CCDC38: variants seen among roughly 807,000 people sequenced by gnomAD.
The protein encoded by CCDC38 is coiled-coil domain-containing protein 38.
In CCDC38, 69 loss-of-function variants were observed where a neutral mutation model predicts 72.8. That is an observed-to-expected ratio of 0.95 (90% CI 0.78 to 1.16). The LOEUF is 1.16. CCDC38 is among the 50% of genes most tolerant of loss of function. CCDC38 has a pLI of 0.00. For synonymous variants in CCDC38, 201 were observed against 213.2 expected, an observed-to-expected ratio of 0.94 and a Z score of 0.50; for missense variants, 626 against 638.9, an observed-to-expected ratio of 0.98 and a Z score of 0.22.
At chr12:95,904,079 T>C (rs1385989250) in intron 5 of CCDC38, among the ~76,000 whole-genome samples, 1 of 152,160 alleles carries the variant, frequency 6.6e-6, no homozygotes, top group African/African-American at 2.4e-5. Context: ...TACCATTTAT[T>C]TCTTTCTTCT....
chr12:95,871,806 G>T (rs2079583714), intron 14 of CCDC38, among the ~76,000 whole-genome samples: 1 of 152,138 alleles, frequency 6.6e-6, no homozygotes. Context: ...CAGGTAGATT[G>T]AGTCTGCTTG....
At chr12:95,895,376 A>G (rs1330499200) in intron 7 of CCDC38, among the ~76,000 whole-genome samples, 1 of 151,210 alleles carries the variant, frequency 6.6e-6, no homozygotes, top group Non-Finnish European at 1.5e-5. Context: ...CACACATAGA[A>G]TAGACATGAT....
chr12:95,909,221 A>G (rs2080064180), intron 4 of CCDC38, among the ~76,000 whole-genome samples: 3 of 152,238 alleles, frequency 2.0e-5, no homozygotes, highest in African/African-American at 4.8e-5. Flanking sequence ...AGGTAACATT[A>G]TAGCCAATCC....
At position 95,879,839 on chromosome 12, in the gene CCDC38, C is replaced by G. The variant is rs1304888055; in HGVS notation, c.991-44G>C. 2 of 1,451,894 alleles carry G rather than the reference C, an allele frequency of 1.4e-6. No homozygotes were observed. The highest frequency in any genetic ancestry group is 2.5e-5 in the South Asian group (2 of 78,704). The allele number at this position is 1,451,894 out of a possible 1,614,324, so 89.9% of individuals were successfully genotyped here. A position where few individuals can be genotyped will look rare whatever the true frequency, so the allele number is the denominator to read the frequency against. The stretch of plus-strand genomic sequence containing the variant: ...AGAATATAATTTACTTAAAAATATG[C>G]TACCTATGCACATGTGACTTATCTA... On this transcript the variant is annotated intron_variant, in intron 11 of 15. Coordinates refer to ENST00000344280, the MANE Select transcript of CCDC38 (RefSeq NM_182496.3). This position sits in a 1 kb window ranked among gnomAD's most constrained non-coding sequence, Gnocchi z 5.5.
At chr12:95,886,355 A>G (rs2079759033) in intron 10 of CCDC38, among the ~76,000 whole-genome samples, 1 of 152,222 alleles carries the variant, frequency 6.6e-6, no homozygotes. Flanking sequence ...ATGTAAAACT[A>G]TAAAACACCT....
intron 14 of CCDC38, among the ~76,000 whole-genome samples, chr12:95,871,038 G>T (rs1201151610): frequency 6.6e-6 from 1 of 152,170 alleles, no homozygotes; most frequent in African/African-American, 2.4e-5. Flanking sequence ...CACTCAGCAT[G>T]GTCTAATCCC....
In CCDC38 at chr12:95,906,434, T is replaced by C; in HGVS notation, c.322A>G (p.Thr108Ala). The C allele has an allele frequency of 6.2e-7, 1 of 1,613,106 alleles. No homozygotes were observed. The highest frequency in any genetic ancestry group is 1.1e-5 in the South Asian group (1 of 90,922). The change falls in exon 5 of 16, where the codon ACT (threonine) becomes GCT (alanine). Residue 108 changes from threonine (T) to alanine (A), a missense_variant. Transcript: ENST00000344280. Reference sequence around the variant, plus strand: ...TGGTCATTAATAAATTCATGGACAGTCCTTTTTGTGTCGGAACCTGTGAAG... The same window carrying C: ...TGGTCATTAATAAATTCATGGACAGCCCTTTTTGTGTCGGAACCTGTGAAG... ...RLIEGSDTKR[T>A]VHEFINDQRD...
intron 10 of CCDC38, among the ~76,000 whole-genome samples, chr12:95,886,512 AG>A (rs1218425284): frequency 7.2e-5 from 11 of 152,166 alleles, no homozygotes; most frequent in African/African-American, 2.7e-4. Context: ...GACCCTATTA[AG>A]AGGATAAAAA....
At chr12:95,901,351 T>C (rs1291870111) in intron 5 of CCDC38, among the ~76,000 whole-genome samples, 2 of 152,116 alleles carry the variant, frequency 1.3e-5, no homozygotes. Context: ...GGGCGGAGTT[T>C]AGGAAACATG....
chr12:95,905,626 G>A (rs185529354), intron 5 of CCDC38, among the ~76,000 whole-genome samples: 17 of 152,258 alleles, frequency 1.1e-4, no homozygotes, highest in African/African-American at 4.1e-4. Flanking sequence ...CAAGTACATT[G>A]TTATTTACTC....
At chr12:95,933,743 C>A (rs2080361925) in intron 2 of CCDC38, 1 of 152,202 alleles carries the variant, frequency 6.6e-6, no homozygotes, top group Admixed American at 6.5e-5. Context: ...ATTAGCAGCA[C>A]CATTTAGTAG....
intron 12 of CCDC38, among the ~76,000 whole-genome samples, chr12:95,878,777 C>G (rs1030982257): frequency 6.6e-6 from 1 of 152,154 alleles, no homozygotes; most frequent in African/African-American, 2.4e-5. Flanking sequence ...TTCCTGCCTA[C>G]CTGCACCCAC....
chr12:95,905,163 G>C (rs1025981891), intron 5 of CCDC38, among the ~76,000 whole-genome samples: 1 of 152,006 alleles, frequency 6.6e-6, no homozygotes, highest in Non-Finnish European at 1.5e-5. Flanking sequence ...TTCAAAATTT[G>C]TATTATTTTG....
chr12:95,873,146 C>A (rs1415277515), intron 13 of CCDC38, among the ~76,000 whole-genome samples: 2 of 152,062 alleles, frequency 1.3e-5, no homozygotes, highest in Non-Finnish European at 2.9e-5. Flanking sequence ...AATATGTAAC[C>A]CAGCCCCCCT....
intron 13 of CCDC38, among the ~76,000 whole-genome samples, chr12:95,876,170 T>A (rs2079633085): frequency 6.6e-6 from 1 of 152,182 alleles, no homozygotes; most frequent in African/African-American, 2.4e-5. Flanking sequence ...TTGAAAACAT[T>A]ATGCTAAATG....
Position 95,928,612 on chromosome 12 carries a change from G to T in CCDC38, c.37+7861C>A, listed in dbSNP as rs866767056. On this transcript the variant is annotated intron_variant, in intron 2 of 15. Coordinates refer to ENST00000344280, the MANE Select transcript of CCDC38 (RefSeq NM_182496.3). Reference sequence around the variant, plus strand: ...TGCGTTCCTTTGGAGGAGGAGAGGCGCTCTGCTTTTTAGAGTTTCCAGTTT... The same window carrying T: ...TGCGTTCCTTTGGAGGAGGAGAGGCTCTCTGCTTTTTAGAGTTTCCAGTTT... Among the ~76,000 whole-genome samples, 902 of 152,284 alleles carry T rather than the reference G, an allele frequency of 5.9e-3. 8 individuals are homozygous for T. The highest frequency in any genetic ancestry group is 0.02 in the Middle Eastern group (6 of 294).
intron 10 of CCDC38, among the ~76,000 whole-genome samples, chr12:95,887,770 C>G (rs1407512678): frequency 6.6e-6 from 1 of 152,210 alleles, no homozygotes; most frequent in African/African-American, 2.4e-5. Flanking sequence ...TATGGAGTCT[C>G]TCTGTACTAT....
intron 3 of CCDC38, 34 bp downstream of exon 3, chr12:95,918,842 A>G: frequency 7.2e-7 from 1 of 1,393,616 alleles, no homozygotes; most frequent in Non-Finnish European, 1.0e-6. Flanking sequence ...TGATTCTAAC[A>G]TTAATTGGGG....
chr12:95,916,114 G>T (rs1242654925), intron 4 of CCDC38, among the ~76,000 whole-genome samples: 2 of 152,234 alleles, frequency 1.3e-5, no homozygotes, highest in African/African-American at 2.4e-5. Context: ...TATGAGGCAT[G>T]TGATTGAACG....
Sources: gnomAD v4.1 joint callset for allele counts (sites outside exome capture counted in the v4.1 genomes callset) on GRCh38, gnomAD v4.1.1 for gene constraint, Gnocchi (gnomAD v3.1) non-coding constraint, MANE v1.5 for transcripts, NCBI Gene and HGNC (gene_info 2026-07-23, HGNC 2026-07-21) for gene names.